FNDC3A: variants seen among roughly 807,000 people sequenced by gnomAD.
FNDC3A encodes fibronectin type III domain containing 3A.
Under a neutral mutation model 148.9 loss-of-function variants are expected in FNDC3A, and 32 were observed. That is an observed-to-expected ratio of 0.21 (90% CI 0.16 to 0.29). The LOEUF is 0.29. Ranked by LOEUF, FNDC3A falls within the 10% of genes least tolerant of loss-of-function variation. The pLI is 1.00. For synonymous variants in FNDC3A, 472 were observed against 473.6 expected (o/e 1.00, Z 0.04); for missense variants, 1,191 against 1,452.8 (o/e 0.82, Z 2.93).
intron 25 of FNDC3A, among the ~76,000 whole-genome samples, chr13:49,206,750 T>C (rs1006160087): frequency 6.6e-6 from 1 of 152,214 alleles, no homozygotes. Context: ...ATGATTGCAT[T>C]GAAAAATGAC....
intron 4 of FNDC3A, among the ~76,000 whole-genome samples, chr13:49,127,865 C>T (rs1881794715): frequency 6.6e-6 from 1 of 151,948 alleles, no homozygotes. Flanking sequence ...ATCAGCTAAT[C>T]TTGTCTTGTT....
intron 23 of FNDC3A, among the ~76,000 whole-genome samples, chr13:49,200,377 A>G (rs939204439): frequency 6.6e-6 from 1 of 152,180 alleles, no homozygotes; most frequent in African/African-American, 2.4e-5. Context: ...ATCTGTATCG[A>G]TGAATGTTAG....
chr13:49,177,536 A>G lies in FNDC3A; in HGVS notation c.1531-1032A>G, dbSNP rs146870057. Among the ~76,000 whole-genome samples the G allele has an allele frequency of 5.8e-3, 888 of 152,282 alleles. 11 individuals are homozygous for G. The highest frequency in any genetic ancestry group is 0.02 in the African/African-American group (838 of 41,548). On this transcript the variant is annotated intron_variant, in intron 13 of 25. Coordinates refer to ENST00000492622, the MANE Select transcript of FNDC3A (RefSeq NM_001079673.2). ...GGCATTGGTCCACCCCTAAGTATATACCCAAAAGAATTGAAAACACATGTT... is the reference window on the plus strand; with the variant it reads ...GGCATTGGTCCACCCCTAAGTATATGCCCAAAAGAATTGAAAACACATGTT...
Position 49,018,890 on chromosome 13 carries a change from G to A in FNDC3A, c.99+12601G>A, listed in dbSNP as rs1873055206. Among the ~76,000 whole-genome samples the A allele has an allele frequency of 2.0e-5, 3 of 152,194 alleles. No individual in the cohort carries two copies. In the South Asian group the frequency reaches 6.2e-4, roughly 32 times the overall value. Reference sequence around the variant, plus strand: ...GAGGTGTCAGTCTGCCCCTGCTGGGGGTGCCTCCCAGTTGGGCTGCTTGGG... The same window carrying A: ...GAGGTGTCAGTCTGCCCCTGCTGGGAGTGCCTCCCAGTTGGGCTGCTTGGG... On this transcript the variant is annotated intron_variant, in intron 2 of 25. Coordinates refer to ENST00000492622, the MANE Select transcript of FNDC3A (RefSeq NM_001079673.2).
At chr13:49,024,747 G>A (rs182074927) in intron 2 of FNDC3A, among the ~76,000 whole-genome samples, 1 of 151,842 alleles carries the variant, frequency 6.6e-6, no homozygotes, top group East Asian at 1.9e-4. Context: ...ATGCAATAAA[G>A]GCCATATATG....
rs565977911 is a variant in FNDC3A, at chr13:49,151,813, G to T, written c.977+5878G>T. 1.1e-4 allele frequency among the ~76,000 whole-genome samples: 17 copies of T among 152,230 alleles called. No homozygotes were observed. In the East Asian group the frequency reaches 3.3e-3, roughly 29 times the overall value. ...ATCATTGTTCAATTTCCACCTATGAGTGAGAACATGCGGTGTTTGGTTTTC... is the reference window on the plus strand; with the variant it reads ...ATCATTGTTCAATTTCCACCTATGATTGAGAACATGCGGTGTTTGGTTTTC... On this transcript the variant is annotated intron_variant, in intron 8 of 25. Transcript: ENST00000492622.
chr13:49,199,388 C>T (rs1007862042), intron 23 of FNDC3A, among the ~76,000 whole-genome samples: 37 of 148,174 alleles, frequency 2.5e-4, no homozygotes, highest in African/African-American at 7.1e-4. Flanking sequence ...AGTGCAGTGA[C>T]GCGATCTCGG....
intron 1 of FNDC3A, among the ~76,000 whole-genome samples, chr13:48,990,588 CAAAAA>C (rs58007137): frequency 3.6e-4 from 21 of 58,116 alleles, no homozygotes; most frequent in Middle Eastern, 9.8e-3. Flanking sequence ...CCTGTCTCTC[CAAAAA>C]AAAAAAAAAA....
At chr13:49,069,876 A>G (rs938669650) in intron 2 of FNDC3A, among the ~76,000 whole-genome samples, 3 of 152,332 alleles carry the variant, frequency 2.0e-5, no homozygotes, top group East Asian at 1.9e-4. Flanking sequence ...TATGAGTGAG[A>G]TAGGCCAGAA....
At chr13:49,028,438 G>A (rs952251853) in intron 2 of FNDC3A, among the ~76,000 whole-genome samples, 11 of 151,718 alleles carry the variant, frequency 7.3e-5, no homozygotes, top group Non-Finnish European at 1.5e-4. Context: ...ACCGAATCTC[G>A]CTTGTTGCCC....
At chr13:49,019,378 G>A (rs1008478366) in intron 2 of FNDC3A, among the ~76,000 whole-genome samples, 4 of 152,244 alleles carry the variant, frequency 2.6e-5, no homozygotes, top group Admixed American at 2.6e-4. Flanking sequence ...GGTGCCGTCT[G>A]TCACCCCTTT....
intron 6 of FNDC3A, among the ~76,000 whole-genome samples, chr13:49,138,498 A>G (rs577525789): frequency 3.3e-4 from 50 of 152,282 alleles, no homozygotes; most frequent in Non-Finnish European, 6.9e-4. Flanking sequence ...AGATATAGCT[A>G]TGTCTAAATA....
chr13:49,138,906 A>G, intron 7 of FNDC3A, 101 bp downstream of exon 7: 2 of 616,672 alleles, frequency 3.2e-6, no homozygotes, highest in South Asian at 2.5e-5. Context: ...TTTTATGAAA[A>G]TAGGATCATA....
intron 2 of FNDC3A, among the ~76,000 whole-genome samples, chr13:49,011,242 T>G (rs535899794): frequency 2.9e-5 from 1 of 34,432 alleles, no homozygotes; most frequent in Non-Finnish European, 1.3e-4. Flanking sequence ...ATGTCTTTCT[T>G]TTTTTTTTTG....
chr13:48,996,452 G>A (rs1198316752), intron 1 of FNDC3A, among the ~76,000 whole-genome samples: 1 of 152,104 alleles, frequency 6.6e-6, no homozygotes, highest in Non-Finnish European at 1.5e-5. Flanking sequence ...TATGTACAGA[G>A]CTTTTCTTTT....
At chr13:49,050,237 G>A (rs1010928871) in intron 2 of FNDC3A, among the ~76,000 whole-genome samples, 1 of 152,038 alleles carries the variant, frequency 6.6e-6, no homozygotes, top group African/African-American at 2.4e-5. Flanking sequence ...TACTTAGATT[G>A]TCTGTTTGTA....
chr13:49,051,136 C>T (rs568587288), intron 2 of FNDC3A, among the ~76,000 whole-genome samples: 26 of 152,224 alleles, frequency 1.7e-4, no homozygotes, highest in African/African-American at 6.0e-4. Context: ...GCACTTAGGC[C>T]ATTTACATTC....
At chr13:49,036,892 G>C (rs190513002) in intron 2 of FNDC3A, among the ~76,000 whole-genome samples, 2 of 152,178 alleles carry the variant, frequency 1.3e-5, no homozygotes, top group Non-Finnish European at 2.9e-5. Context: ...TGAACTAATT[G>C]TCATGCCAAA....
At chr13:49,186,529 A>C (rs1482578456) in intron 15 of FNDC3A, among the ~76,000 whole-genome samples, 2 of 152,258 alleles carry the variant, frequency 1.3e-5, no homozygotes, top group African/African-American at 4.8e-5. Context: ...AAAATGCTTC[A>C]GTGATATTTA....
Sources: gnomAD v4.1 joint callset for allele counts (sites outside exome capture counted in the v4.1 genomes callset) on GRCh38, gnomAD v4.1.1 for gene constraint, MANE v1.5 for transcripts, NCBI Gene and HGNC (gene_info 2026-07-23, HGNC 2026-07-21) for gene names.